Variants in HTRA2 observed in about 807,000 individuals in gnomAD.
HTRA2 encodes serine protease HTRA2, mitochondrial.
A neutral mutation model predicts 42.2 loss-of-function variants in HTRA2; 24 were observed. The observed-to-expected ratio is 0.57, with a 90% CI of 0.41 to 0.80. The LOEUF (loss-of-function observed/expected upper bound fraction) is 0.80, where lower values mean the gene tolerates loss of function less well. Ranked by LOEUF, HTRA2 falls within the 30% of genes least tolerant of loss-of-function variation. The pLI is 0.00. For missense variants in HTRA2, 466 were observed against 613.5 expected (o/e 0.76, Z 2.54); for synonymous variants, 245 against 255.8 (o/e 0.96, Z 0.40).
intron 3 of HTRA2, 40 bp from the exon 4 acceptor site, chr2:74,531,299 A>C (rs1456061405): frequency 7.4e-6 from 12 of 1,611,274 alleles, no homozygotes; most frequent in Non-Finnish European, 1.0e-5. Context: ...CCAGACTTAG[A>C]ATCCCCAGAT....
upstream of HTRA2, chr2:74,529,442 G>A: frequency 1.9e-6 from 3 of 1,572,406 alleles, no homozygotes; most frequent in Non-Finnish European, 2.6e-6. Context: ...CGAGGAGGCA[G>A]AACCCGACTG....
chr2:74,530,168 C>T lies in HTRA2; in HGVS notation c.162C>T (p.Thr54=). 6.2e-7 allele frequency: 1 copy of T among 1,612,394 alleles called. No individual in the cohort carries two copies. The highest frequency in any genetic ancestry group is 1.3e-5 in the African/African-American group (1 of 75,038). Residue 54 remains threonine, a synonymous_variant, in exon 1 of 8, where the codon ACC becomes ACT. Transcript: ENST00000258080. This position sits in a 1 kb window ranked among gnomAD's most constrained non-coding sequence, Gnocchi z 7.4. ...CCCGGGCCCGAGTGACTTATGGGAC[C>T]CCCAGTCTCTGGGCCCGGTTGTCTG... ...SDPRARVTYG[T]PSLWARLSVG... is the part of the protein sequence containing the mutation.
At chr2:74,531,528 CT>C in intron 4 of HTRA2, 68 bp from the exon 5 acceptor site, 1 of 1,612,454 alleles carries the variant, frequency 6.2e-7, no homozygotes, top group Non-Finnish European at 8.5e-7. Context: ...CTTGCTGGTA[CT>C]TTTGTTCGGG....
Position 74,530,244 on chromosome 2 carries a change from C to T in HTRA2, c.238C>T (p.Arg80Trp), listed in dbSNP as rs764947966. Residue 80 changes from arginine (R) to tryptophan (W), a missense_variant, in exon 1 of 8, where the codon CGG becomes TGG. This residue lies in a region of HTRA2 where 222 missense variants were observed against 205.1 expected (regional missense o/e 1.08). Transcript: ENST00000258080. This position sits in a 1 kb window ranked among gnomAD's most constrained non-coding sequence, Gnocchi z 7.4. The part of the protein sequence containing the change: ...ACLTSGTPGP[R>W]AQLTAVTPDT... ...CCTGACGTCTGGGACCCCGGGTCCC[C>T]GGGCACAACTGACTGCGGTGACCCC... 3.1e-6 allele frequency: 5 copies of T among 1,609,390 alleles called. No homozygotes were observed. In the East Asian group the frequency reaches 1.1e-4, roughly 36 times the overall value.
Position 74,530,403 on chromosome 2 carries a change from G to A in HTRA2, c.397G>A (p.Ala133Thr). 6.3e-7 allele frequency: 1 copy of A among 1,595,932 alleles called. No homozygotes were observed. The highest frequency in any genetic ancestry group is 1.1e-5 in the South Asian group (1 of 90,144). ...GGGRGPPAVL[A>T]AVPSPPPASP... is the part of the protein sequence containing the mutation. ...GGGTCGGGGTCCTCCGGCCGTCCTCGCCGCCGTCCCTAGCCCGCCGCCCGC... is the reference window on the plus strand; with the variant it reads ...GGGTCGGGGTCCTCCGGCCGTCCTCACCGCCGTCCCTAGCCCGCCGCCCGC... The change falls in exon 1 of 8, where the codon GCC becomes ACC. Residue 133 changes from alanine (A) to threonine (T), a missense_variant. By Grantham distance (58) the Ala-to-Thr change is moderately conservative. Transcript: ENST00000258080. This position sits in a 1 kb window ranked among gnomAD's most constrained non-coding sequence, Gnocchi z 7.4.
upstream of HTRA2, chr2:74,529,822 G>A: frequency 7.0e-7 from 1 of 1,427,362 alleles, no homozygotes; most frequent in Non-Finnish European, 9.1e-7. Context: ...ACTCGCGTCC[G>A]GCGGAGACCA....
rs770816713 is a variant in HTRA2 at position 74,530,617 on chromosome 2, G to A, written c.507G>A (p.Arg169=). 12 of 1,614,082 alleles carry A rather than the reference G, an allele frequency of 7.4e-6. No individual in the cohort carries two copies. Among genetic ancestry groups the A allele is most frequent in the Non-Finnish European group, 1.0e-5 (12 of 1,180,032 alleles). ...PAVVYIEILD[R]HPFLGREVPI... is the part of the protein sequence containing the mutation. ...TATCTGTGCTTTCCCTCCATTTCAG[G>A]CACCCTTTCTTGGGCCGCGAGGTCC... Residue 169 remains arginine (R), a splice_region_variant and synonymous_variant, in exon 2 of 8, where the codon CGG becomes CGA. Transcript: ENST00000258080. The surrounding 1 kb of genome is among the most constrained non-coding windows in gnomAD (Gnocchi z 7.4).
In HTRA2 at chr2:74,530,843, G is replaced by A. The variant is rs753318332; in HGVS notation, c.711+22G>A. On this transcript the variant is annotated intron_variant, in intron 2 of 7. Coordinates refer to ENST00000258080, the MANE Select transcript of HTRA2 (RefSeq NM_013247.5). The surrounding 1 kb of genome is among the most constrained non-coding windows in gnomAD (Gnocchi z 7.4). ...TAAGGTGGGGGCTGGGGTAGGCCAGGTCTGGTTGGAGCTGCTTATTTGCTC... is the reference window on the plus strand; with the variant it reads ...TAAGGTGGGGGCTGGGGTAGGCCAGATCTGGTTGGAGCTGCTTATTTGCTC... 8.7e-6 allele frequency: 14 copies of A among 1,614,080 alleles called. No individual in the cohort carries two copies. Among genetic ancestry groups the A allele is most frequent in the African/African-American group, 1.3e-5 (1 of 74,930 alleles).
chr2:74,531,210 G>T (rs952011015), intron 3 of HTRA2, 105 bp downstream of exon 3: 1 of 1,551,452 alleles, frequency 6.4e-7, no homozygotes, highest in Admixed American at 1.7e-5. Context: ...ATAGAGCTTA[G>T]GCTGCAAAAA....
At position 74,530,554 on chromosome 2, in the gene HTRA2, T is replaced by C. The variant is rs775586530; in HGVS notation, c.506+42T>C. 3 of 1,613,574 alleles carry C rather than the reference T, an allele frequency of 1.9e-6. No individual in the cohort carries two copies. The stretch of plus-strand genomic sequence containing the variant: ...ACCGGGAGGCACTGAAGCCACAGGC[T>C]GGAGGGCGGGCGGGTAGGAGGGGTC... On this transcript the variant is annotated intron_variant, in intron 1 of 7. Transcript: ENST00000258080. This position sits in a 1 kb window ranked among gnomAD's most constrained non-coding sequence, Gnocchi z 7.4.
In HTRA2 at chr2:74,530,351, G is replaced by A. The variant is rs545224858; in HGVS notation, c.345G>A (p.Gly115=). Residue 115 remains glycine (G), a synonymous_variant, in exon 1 of 8, where the codon GGG becomes GGA. Coordinates refer to ENST00000258080, the MANE Select transcript of HTRA2 (RefSeq NM_013247.5). This position sits in a 1 kb window ranked among gnomAD's most constrained non-coding sequence, Gnocchi z 7.4. ...AWLAVALGAG[G]AVLLLLWGGG... is the part of the protein sequence containing the mutation. ...TGGCGGTGGCGCTGGGCGCTGGGGG[G>A]GCAGTGCTGTTGTTGTTGTGGGGCG... The A allele has an allele frequency of 6.3e-6, 10 of 1,593,526 alleles. No individual in the cohort carries two copies. The South Asian group carries it at 6.7e-5, about 11-fold the overall frequency.
upstream of HTRA2, chr2:74,529,610 G>A (rs751063527): frequency 4.5e-6 from 7 of 1,568,268 alleles, no homozygotes; most frequent in Middle Eastern, 1.9e-4. Flanking sequence ...CTCCGGCCCC[G>A]GCCCTGAGGG....
downstream of HTRA2, chr2:74,533,508 G>A (rs1675777934): frequency 1.4e-5 from 14 of 1,027,026 alleles, no homozygotes; most frequent in East Asian, 4.8e-5. Context: ...TGATGAGTGC[G>A]GTTGCTGACA....
chr2:74,531,440 A>G (rs1358318990), intron 4 of HTRA2, 69 bp downstream of exon 4: 1 of 1,606,456 alleles, frequency 6.2e-7, no homozygotes. Flanking sequence ...GGTTTCCCCT[A>G]ATTCAAGGAT....
rs771959498 is a variant in HTRA2 at position 74,530,523 on chromosome 2, G to A, written c.506+11G>A. 1.2e-6 allele frequency: 2 copies of A among 1,613,082 alleles called. No individual in the cohort carries two copies. Among genetic ancestry groups the A allele is most frequent in the South Asian group, 1.1e-5 (1 of 91,084 alleles). ...CGAGATCCTGGACCGGTAATGGTGG[G>A]GGTAGACCGGGAGGCACTGAAGCCA... On this transcript the variant is annotated intron_variant, in intron 1 of 7. Coordinates refer to ENST00000258080, the MANE Select transcript of HTRA2 (RefSeq NM_013247.5). This position sits in a 1 kb window ranked among gnomAD's most constrained non-coding sequence, Gnocchi z 7.4.
Position 74,529,941 on chromosome 2 carries a change from C to T in HTRA2, c.-66C>T. The T allele has an allele frequency of 2.0e-6, 3 of 1,492,730 alleles. No individual in the cohort carries two copies. Among genetic ancestry groups the T allele is most frequent in the South Asian group, 2.7e-5 (2 of 74,436 alleles). The allele number at this position is 1,492,730 out of a possible 1,614,324, so 92.5% of individuals were successfully genotyped here. On this transcript the variant is annotated 5_prime_UTR_variant, in exon 1 of 8. Transcript: ENST00000258080. ...CCGGCGTGCCCCGCGTCCTACTGTC[C>T]GCCTGCTCGCGTCCTGGGTGCCGCC...
Position 74,530,755 on chromosome 2 carries a change from G to A in HTRA2, c.645G>A (p.Thr215=). The A allele has an allele frequency of 1.2e-6, 2 of 1,614,234 alleles. No individual in the cohort carries two copies. Among genetic ancestry groups the A allele is most frequent in the Non-Finnish European group, 1.7e-6 (2 of 1,180,048 alleles). The change falls in exon 2 of 8, where the codon ACG becomes ACA. Residue 215 remains threonine (T), a synonymous_variant. Coordinates refer to ENST00000258080, the MANE Select transcript of HTRA2 (RefSeq NM_013247.5). The surrounding 1 kb of genome is among the most constrained non-coding windows in gnomAD (Gnocchi z 7.4). The part of the protein sequence containing the change: ...RVRVRLLSGD[T]YEAVVTAVDP... ...GTGTGAGACTGCTAAGCGGCGACAC[G>A]TATGAGGCCGTGGTCACAGCTGTGG...
chr2:74,532,074 T>C, intron 6 of HTRA2, 149 bp downstream of exon 6: 1 of 816,600 alleles, frequency 1.2e-6, no homozygotes. Context: ...CTTCATCATC[T>C]TGACTTTCTT....
intron 7 of HTRA2, 43 bp from the exon 8 acceptor site, chr2:74,532,777 G>C: frequency 6.2e-7 from 1 of 1,613,670 alleles, no homozygotes; most frequent in Middle Eastern, 1.7e-4. Flanking sequence ...CTTGAACTAG[G>C]CTTTGTACTC....
Sources: allele counts gnomAD v4.1 joint callset, GRCh38; gene constraint gnomAD v4.1.1; regional missense constraint gnomAD v4.1.1; non-coding constraint Gnocchi (gnomAD v3.1); transcripts MANE v1.5; gene names NCBI Gene and HGNC (gene_info 2026-07-23, HGNC 2026-07-21).